Variants in ROR1 observed in about 807,000 individuals in gnomAD.
ROR1 encodes ROR family WNT receptor 1, also known as inactive tyrosine-protein kinase transmembrane receptor ROR1.
In ROR1, 19 loss-of-function variants were observed where a neutral mutation model predicts 78.8. The observed-to-expected ratio is 0.24, with a 90% CI of 0.17 to 0.35. The LOEUF (loss-of-function observed/expected upper bound fraction) is 0.35. Ranked by LOEUF, ROR1 falls within the 10% of genes least tolerant of loss-of-function variation. The probability of loss-of-function intolerance (pLI) is 1.00; values close to 1 mark genes in which losing one functional copy is unlikely to be tolerated. For synonymous variants in ROR1, 386 were observed against 433.6 expected (o/e 0.89, Z 1.36); for missense variants, 917 against 1,177.8 (o/e 0.78, Z 3.24).
chr1:64,000,666 G>A (rs1343422653), intron 1 of ROR1, among the ~76,000 whole-genome samples: 3 of 152,208 alleles, frequency 2.0e-5, no homozygotes, highest in African/African-American at 7.2e-5. Context: ...TGCTATGGCT[G>A]TAGTGGAGTG....
At chr1:63,938,989 C>A (rs557729985) in intron 1 of ROR1, among the ~76,000 whole-genome samples, 4 of 152,224 alleles carry the variant, frequency 2.6e-5, no homozygotes, top group East Asian at 1.9e-4. Flanking sequence ...CGGAGGGAGA[C>A]CCTGTCTCAA....
chr1:63,785,831 A>T (rs1207971568), intron 1 of ROR1, among the ~76,000 whole-genome samples: 1 of 152,014 alleles, frequency 6.6e-6, no homozygotes, highest in Admixed American at 6.6e-5. Flanking sequence ...CGGCCTACGC[A>T]GCAACAATTT....
chr1:63,963,941 AC>A (rs1218694536), intron 1 of ROR1, among the ~76,000 whole-genome samples: 1 of 152,148 alleles, frequency 6.6e-6, no homozygotes. Context: ...CCGTGAAGCT[AC>A]TGTATCAGTC....
At chr1:63,946,412 A>G (rs1645890081) in intron 1 of ROR1, among the ~76,000 whole-genome samples, 1 of 152,138 alleles carries the variant, frequency 6.6e-6, no homozygotes, top group African/African-American at 2.4e-5. Context: ...TATTGCCTCT[A>G]ACTTTGTTTG....
intron 1 of ROR1, among the ~76,000 whole-genome samples, chr1:63,865,691 TG>T (rs1645210966): frequency 6.6e-6 from 1 of 152,226 alleles, no homozygotes; most frequent in Admixed American, 6.5e-5. Flanking sequence ...TGTTATTGAT[TG>T]TCATCATCAT....
chr1:63,841,559 G>T (rs972666166), intron 1 of ROR1, among the ~76,000 whole-genome samples: 1 of 152,148 alleles, frequency 6.6e-6, no homozygotes, highest in Non-Finnish European at 1.5e-5. Context: ...AATTATTTGT[G>T]TATGAAACTG....
chr1:64,043,753 G>A (rs1646762644), intron 2 of ROR1, among the ~76,000 whole-genome samples: 1 of 152,156 alleles, frequency 6.6e-6, no homozygotes, highest in Non-Finnish European at 1.5e-5. Context: ...GCGTGGGTTT[G>A]GGTCCTGGCT....
At chr1:63,946,050 T>A (rs1645886619) in intron 1 of ROR1, among the ~76,000 whole-genome samples, 1 of 152,168 alleles carries the variant, frequency 6.6e-6, no homozygotes, top group Admixed American at 6.5e-5. Context: ...CTACAGAGAA[T>A]TCTCAGCTTC....
At chr1:63,956,391 A>G (rs1047124443) in intron 1 of ROR1, among the ~76,000 whole-genome samples, 1 of 152,216 alleles carries the variant, frequency 6.6e-6, no homozygotes, top group Non-Finnish European at 1.5e-5. Context: ...AGTGGCCCCA[A>G]GAGCAACAAT....
chr1:64,044,483 GA>G (rs200697362), intron 2 of ROR1, among the ~76,000 whole-genome samples: 2 of 150,278 alleles, frequency 1.3e-5, no homozygotes, highest in East Asian at 1.9e-4. Flanking sequence ...TAGTTGAAAA[GA>G]AAAAAAAAGC....
rs771171201 is a variant in ROR1, at chr1:63,850,496, C to T, written c.91+75988C>T. Among the ~76,000 whole-genome samples, 28 of 152,224 alleles carry T rather than the reference C, an allele frequency of 1.8e-4. No individual in the cohort carries two copies. The East Asian group carries it at 2.7e-3, about 15-fold the overall frequency. ...CTCCTTCCTACAGGATATAAGTTCC[C>T]GTTGCTCTTTACCCTTTCTAACTCT... On this transcript the variant is annotated intron_variant, in intron 1 of 8. Transcript: ENST00000371079.
chr1:63,953,080 G>A (rs1213016179), intron 1 of ROR1, among the ~76,000 whole-genome samples: 1 of 152,200 alleles, frequency 6.6e-6, no homozygotes, highest in Non-Finnish European at 1.5e-5. Flanking sequence ...AGGTGGTCAA[G>A]AGTGAGTGTG....
intron 1 of ROR1, among the ~76,000 whole-genome samples, chr1:63,992,924 A>G (rs982136373): frequency 3.3e-5 from 5 of 152,146 alleles, no homozygotes; most frequent in African/African-American, 4.8e-5. Context: ...TTTGTGAGCC[A>G]TTAGGGTAGA....
At chr1:64,087,709 AG>A in intron 4 of ROR1, among the ~76,000 whole-genome samples, 1 of 152,322 alleles carries the variant, frequency 6.6e-6, no homozygotes, top group Non-Finnish European at 1.5e-5. Flanking sequence ...AAATGTAGGG[AG>A]GGGAGCCCTG....
intron 1 of ROR1, among the ~76,000 whole-genome samples, chr1:63,860,723 C>A (rs924137342): frequency 6.9e-6 from 1 of 144,640 alleles, no homozygotes; most frequent in Non-Finnish European, 1.5e-5. Flanking sequence ...GAGCAGAGAT[C>A]GCACCACTGC....
chr1:63,893,009 C>A (rs1390117), intron 1 of ROR1, among the ~76,000 whole-genome samples: 5,952 of 152,244 alleles, frequency 0.039, 392 homozygotes, highest in African/African-American at 0.14. Context: ...AAGCAAAAAG[C>A]AGCACGGCAG....
chr1:64,099,470 G>A (rs1399216292), intron 4 of ROR1, among the ~76,000 whole-genome samples: 1 of 152,058 alleles, frequency 6.6e-6, no homozygotes, highest in Non-Finnish European at 1.5e-5. Flanking sequence ...AGTCATCGGA[G>A]CATCTGAACT....
intron 1 of ROR1, among the ~76,000 whole-genome samples, chr1:63,945,719 A>G (rs1207763330): frequency 6.6e-6 from 1 of 152,188 alleles, no homozygotes; most frequent in African/African-American, 2.4e-5. Context: ...CTGCATTCTA[A>G]TCTCTGAAGT....
chr1:63,975,370 G>C (rs867196726), intron 1 of ROR1, among the ~76,000 whole-genome samples: 20 of 147,302 alleles, frequency 1.4e-4, no homozygotes, highest in Middle Eastern at 3.2e-3. Flanking sequence ...TCATGATTAA[G>C]TTATGTCTAT....
Sources: gnomAD v4.1 joint callset for allele counts (sites outside exome capture counted in the v4.1 genomes callset) on GRCh38, gnomAD v4.1.1 for gene constraint, MANE v1.5 for transcripts, NCBI Gene and HGNC (gene_info 2026-07-23, HGNC 2026-07-21) for gene names.